Variants in SEC24A observed in about 807,000 individuals in gnomAD.
SEC24A encodes the protein SEC24 homolog A, COPII component, also known as protein transport protein Sec24A.
SEC24A carries 93 observed loss-of-function variants against 129.4 expected under a neutral mutation model. That is an observed-to-expected ratio of 0.72 (90% CI 0.61 to 0.85). The LOEUF (loss-of-function observed/expected upper bound fraction) is 0.85, where lower values mean the gene tolerates loss of function less well. Among genes scored for constraint, SEC24A ranks in the 40% least tolerant of loss-of-function variants. The pLI is 0.00. For synonymous variants in SEC24A, 460 were observed against 467.3 expected (o/e 0.98, Z 0.20); for missense variants, 1,264 against 1,307.4 (o/e 0.97, Z 0.51).
intron 11 of SEC24A, among the ~76,000 whole-genome samples, chr5:134,690,904 A>AGCTCACTG (rs1232447234): frequency 9.4e-5 from 14 of 148,922 alleles, no homozygotes; most frequent in Admixed American, 2.7e-4. Context: ...GCGCGATCTC[A>AGCTCACTG]GCTCACTGGC....
intron 1 of SEC24A, among the ~76,000 whole-genome samples, chr5:134,654,514 C>G (rs1056235049): frequency 1.3e-5 from 2 of 151,994 alleles, no homozygotes; most frequent in Non-Finnish European, 2.9e-5. Context: ...GCCACTGCGC[C>G]CAGCTGAGAG....
Position 134,659,612 on chromosome 5 carries a change from T to C in SEC24A, c.98-1507T>C, listed in dbSNP as rs146408265. On this transcript the variant is annotated intron_variant, in intron 1 of 22. Transcript: ENST00000398844. ...CACAAAACAAGTTCTTTTGTATCTGTCTTCCTGCCAGTTGGCCTTATGACC... is the reference window on the plus strand; with the variant it reads ...CACAAAACAAGTTCTTTTGTATCTGCCTTCCTGCCAGTTGGCCTTATGACC... 3.3e-3 allele frequency among the ~76,000 whole-genome samples: 499 copies of C among 151,992 alleles called. 3 individuals are homozygous for C. Among genetic ancestry groups the C allele is most frequent in the African/African-American group, 0.012 (477 of 41,476 alleles).
In SEC24A at chr5:134,701,449, A is replaced by G. The variant is rs553262066; in HGVS notation, c.2267-2310A>G. 8.6e-5 allele frequency among the ~76,000 whole-genome samples: 13 copies of G among 151,180 alleles called. No individual in the cohort carries two copies. The South Asian group carries it at 1.9e-3, about 22-fold the overall frequency. On this transcript the variant is annotated intron_variant, in intron 15 of 22. Coordinates refer to ENST00000398844, the MANE Select transcript of SEC24A (RefSeq NM_021982.3). ...TTTTCTACTTGTCAAGACAGAGGCT[A>G]TTTTTATATGTACCTTATTTTGCAT... is the stretch of plus-strand genomic sequence containing the variant.
rs923003003 is a variant in SEC24A at position 134,667,433 on chromosome 5, G to A, written c.739+437G>A. 4.0e-5 allele frequency among the ~76,000 whole-genome samples: 6 copies of A among 151,010 alleles called. No homozygotes were observed. The East Asian group carries it at 5.9e-4, about 15-fold the overall frequency. On this transcript the variant is annotated intron_variant, in intron 3 of 22. Coordinates refer to ENST00000398844, the MANE Select transcript of SEC24A (RefSeq NM_021982.3). ...TGGGAGGCTGAGGCAGGCGGATCAC[G>A]AGGTCAGGAGATCGAGACCATCCTG...
intron 8 of SEC24A, among the ~76,000 whole-genome samples, chr5:134,681,187 C>T (rs886932579): frequency 6.6e-6 from 1 of 150,822 alleles, no homozygotes; most frequent in African/African-American, 2.4e-5. Flanking sequence ...CACCTAAGGT[C>T]AGGAGTTTGA....
intron 15 of SEC24A, among the ~76,000 whole-genome samples, chr5:134,699,389 C>G (rs182025931): frequency 0.012 from 1,817 of 151,294 alleles, 40 homozygotes; most frequent in African/African-American, 0.042. Flanking sequence ...AGCTCCGCCT[C>G]CTGGGTTCAT....
At chr5:134,666,481 C>T (rs948058462) in intron 2 of SEC24A, among the ~76,000 whole-genome samples, 3 of 151,860 alleles carry the variant, frequency 2.0e-5, no homozygotes, top group Non-Finnish European at 4.4e-5. Flanking sequence ...CTCTTGAACC[C>T]GGGAGGTGGA....
chr5:134,711,597 T>C (rs1752326804), intron 18 of SEC24A, among the ~76,000 whole-genome samples: 1 of 148,450 alleles, frequency 6.7e-6, no homozygotes. Context: ...ACAGTCTCGC[T>C]ATGTCGCCCA....
At chr5:134,666,793 G>A in intron 2 of SEC24A, 30 bp from the exon 3 acceptor site, 1 of 1,607,508 alleles carries the variant, frequency 6.2e-7, no homozygotes, top group South Asian at 1.1e-5. Flanking sequence ...GAGTTCTCAA[G>A]TGACGTGTGA....
At chr5:134,665,477 TC>T (rs1267937163) in intron 2 of SEC24A, among the ~76,000 whole-genome samples, 1 of 151,552 alleles carries the variant, frequency 6.6e-6, no homozygotes, top group African/African-American at 2.4e-5. Context: ...AAAAAAGTGT[TC>T]CTTCTGCCTC....
intron 3 of SEC24A, 121 bp from the exon 4 acceptor site, chr5:134,671,688 C>G (rs1750869068): frequency 1.7e-6 from 1 of 593,208 alleles, no homozygotes; most frequent in African/African-American, 1.9e-5. Context: ...TGTTAATAGG[C>G]TGTGGTTTTA....
intron 7 of SEC24A, among the ~76,000 whole-genome samples, chr5:134,678,620 GC>G (rs1330622094): frequency 1.3e-5 from 2 of 151,538 alleles, no homozygotes; most frequent in Admixed American, 6.6e-5. Flanking sequence ...TTGCTCTGTT[GC>G]CCAGGCTGGA....
Position 134,676,252 on chromosome 5 carries a change from G to T in SEC24A, c.1254+127G>T, listed in dbSNP as rs1250056493. 1.3e-5 allele frequency: 8 copies of T among 592,972 alleles called. 1 individual carries two copies. The highest frequency in any genetic ancestry group is 2.3e-5 in the Non-Finnish European group (8 of 355,140). 36.7% of individuals were successfully genotyped at this position (592,972 alleles called of 1,614,324 possible). On this transcript the variant is annotated intron_variant, in intron 7 of 22. Transcript: ENST00000398844. The stretch of plus-strand genomic sequence containing the variant: ...CCCTCCATGTTCAAGTGATTTTCCT[G>T]CCTCAGCCTCCCTAGTAGCTGGGAT...
chr5:134,667,432 C>A (rs1046231636), intron 3 of SEC24A, among the ~76,000 whole-genome samples: 1 of 151,324 alleles, frequency 6.6e-6, no homozygotes, highest in African/African-American at 2.4e-5. Context: ...AGGCGGATCA[C>A]GAGGTCAGGA....
Position 134,661,499 on chromosome 5 carries a change from A to G in SEC24A, c.478A>G (p.Thr160Ala), listed in dbSNP as rs370037498. The change falls in exon 2 of 23, where the codon ACT becomes GCT. Residue 160 changes from threonine (T) to alanine (A), a missense_variant. Transcript: ENST00000398844. The stretch of plus-strand genomic sequence containing the variant: ...TTGTCCTCGTGCATCATCCCAACCA[A>G]CTGTATCTGGAAATACAAGTTTAAC... ...NHCPRASSQP[T>A]VSGNTSLTTN... 16 of 1,614,008 alleles carry G rather than the reference A, an allele frequency of 9.9e-6. No individual in the cohort carries two copies. The highest frequency in any genetic ancestry group is 1.1e-5 in the Non-Finnish European group (13 of 1,179,976).
At chr5:134,692,093 C>T (rs779395662) in intron 11 of SEC24A, among the ~76,000 whole-genome samples, 1 of 146,626 alleles carries the variant, frequency 6.8e-6, no homozygotes, top group Admixed American at 6.9e-5. Flanking sequence ...GGGTCTCAAC[C>T]TCCCCACTAG....
intron 3 of SEC24A, among the ~76,000 whole-genome samples, chr5:134,667,782 T>C (rs1462407749): frequency 1.3e-5 from 2 of 152,174 alleles, no homozygotes; most frequent in Non-Finnish European, 2.9e-5. Context: ...ATACAAGCTT[T>C]TGAAATTTGA....
chr5:134,708,916 A>G, intron 18 of SEC24A, 28 bp downstream of exon 18: 1 of 1,602,044 alleles, frequency 6.2e-7, no homozygotes, highest in East Asian at 2.2e-5. Context: ...AGAAACTAAC[A>G]CAATGATGGC....
In SEC24A at chr5:134,699,344, G is replaced by A. The variant is rs1463589478; in HGVS notation, c.2266+1287G>A. Among the ~76,000 whole-genome samples, 4 of 149,034 alleles carry A rather than the reference G, an allele frequency of 2.7e-5. No individual in the cohort carries two copies. The East Asian group carries it at 5.9e-4, about 22-fold the overall frequency. On this transcript the variant is annotated intron_variant, in intron 15 of 22. Coordinates refer to ENST00000398844, the MANE Select transcript of SEC24A (RefSeq NM_021982.3). ...CGGACTGTCTCGCTCTGTCGTCCAG[G>A]CTGGAGTGCAGTGGCACGATCTCAG...
Sources: allele counts gnomAD v4.1 joint callset (sites outside exome capture counted in the v4.1 genomes callset), GRCh38; gene constraint gnomAD v4.1.1; transcripts MANE v1.5; gene names NCBI Gene and HGNC (gene_info 2026-07-23, HGNC 2026-07-21).